CALN1: variants seen among roughly 807,000 people sequenced by gnomAD.
CALN1 encodes the protein calneuron 1.
A neutral mutation model predicts 30.6 loss-of-function variants in CALN1; 17 were observed. The observed-to-expected ratio is 0.56, with a 90% CI of 0.38 to 0.83. The LOEUF is 0.83. Among genes scored for constraint, CALN1 ranks in the 40% least tolerant of loss-of-function variants. CALN1 has a pLI of 0.00. For synonymous variants in CALN1, 156 were observed against 131.4 expected, an observed-to-expected ratio of 1.19 and a Z score of -1.28; for missense variants, 291 against 354.9, an observed-to-expected ratio of 0.82 and a Z score of 1.45.
intron 3 of CALN1, among the ~76,000 whole-genome samples, chr7:72,179,342 C>T (rs1433385637): frequency 6.6e-6 from 1 of 152,118 alleles, no homozygotes; most frequent in African/African-American, 2.4e-5. Context: ...ATTTTTTTGA[C>T]TGTTCCCATC....
At chr7:72,043,473 G>A (rs896670548) in intron 4 of CALN1, among the ~76,000 whole-genome samples, 1 of 152,194 alleles carries the variant, frequency 6.6e-6, no homozygotes, top group African/African-American at 2.4e-5. Context: ...AACCATAGCA[G>A]AGTAAGAAAA....
intron 3 of CALN1, among the ~76,000 whole-genome samples, chr7:72,258,839 G>C (rs970490332): frequency 6.6e-6 from 1 of 151,390 alleles, no homozygotes; most frequent in Non-Finnish European, 1.5e-5. Context: ...GATCACCCAA[G>C]GTCAGGAGTT....
At chr7:72,387,462 T>C (rs1192662669) in intron 2 of CALN1, among the ~76,000 whole-genome samples, 1 of 152,096 alleles carries the variant, frequency 6.6e-6, no homozygotes, top group African/African-American at 2.4e-5. Context: ...AACTTCACGG[T>C]AGAGAAACCT....
chr7:72,328,788 T>C (rs1399864589), intron 2 of CALN1, among the ~76,000 whole-genome samples: 3 of 152,174 alleles, frequency 2.0e-5, no homozygotes, highest in Non-Finnish European at 2.9e-5. Flanking sequence ...CTCCGCCTCC[T>C]GGGTTCAAGC....
At chr7:72,280,715 T>A (rs968712680) in intron 2 of CALN1, among the ~76,000 whole-genome samples, 1 of 152,090 alleles carries the variant, frequency 6.6e-6, no homozygotes, top group Non-Finnish European at 1.5e-5. Context: ...CAAAATTTTG[T>A]GTGTCAGAAA....
chr7:71,792,714 T>G (rs1361802131), intron 6 of CALN1, among the ~76,000 whole-genome samples: 2 of 152,134 alleles, frequency 1.3e-5, no homozygotes, highest in African/African-American at 4.8e-5. Context: ...CTGGCTAATT[T>G]ATTCTGAGTA....
At chr7:72,410,571 G>A (rs1295616143) in intron 1 of CALN1, among the ~76,000 whole-genome samples, 2 of 152,136 alleles carry the variant, frequency 1.3e-5, no homozygotes, top group Non-Finnish European at 2.9e-5. Flanking sequence ...TTTCAAATCA[G>A]CTCAATTCTT....
chr7:72,122,301 A>G (rs1028319708), intron 3 of CALN1, among the ~76,000 whole-genome samples: 1 of 152,160 alleles, frequency 6.6e-6, no homozygotes, highest in Admixed American at 6.5e-5. Context: ...CATTTTGTGG[A>G]TTTAGCATAG....
chr7:72,205,205 C>T (rs1211586333), intron 3 of CALN1, among the ~76,000 whole-genome samples: 2 of 150,518 alleles, frequency 1.3e-5, no homozygotes, highest in Admixed American at 1.3e-4. Flanking sequence ...TTTTGCTTTT[C>T]TTTTGTTTTG....
At chr7:72,110,997 C>G (rs2129541556) in intron 3 of CALN1, among the ~76,000 whole-genome samples, 1 of 152,278 alleles carries the variant, frequency 6.6e-6, no homozygotes, top group African/African-American at 2.4e-5. Context: ...ATCAAGTTTT[C>G]AAGAACAGGC....
At position 72,366,313 on chromosome 7, in the gene CALN1, A is replaced by G. The variant is rs542251327; in HGVS notation, c.119+36938T>C. On this transcript the variant is annotated intron_variant, in intron 2 of 6. Transcript: ENST00000395275. The stretch of plus-strand genomic sequence containing the variant: ...CTCAGCCTCCCAAGTAGCTGGGATT[A>G]CAGGTGCACACACCACCATGCCCAG... Among the ~76,000 whole-genome samples, 4 of 152,182 alleles carry G rather than the reference A, an allele frequency of 2.6e-5. No homozygotes were observed. In the East Asian group the frequency reaches 7.7e-4, roughly 29 times the overall value.
At chr7:72,057,758 A>G (rs138167830) in intron 4 of CALN1, among the ~76,000 whole-genome samples, 21 of 152,258 alleles carry the variant, frequency 1.4e-4, no homozygotes, top group African/African-American at 5.1e-4. Flanking sequence ...TAGTTGTATG[A>G]CATCTTACAG....
At chr7:72,344,372 A>T (rs1040656037) in intron 2 of CALN1, among the ~76,000 whole-genome samples, 4 of 152,046 alleles carry the variant, frequency 2.6e-5, no homozygotes, top group South Asian at 4.1e-4. Context: ...AAATTTACTA[A>T]ATTAGAAAAA....
At chr7:72,172,002 C>G (rs1287185099) in intron 3 of CALN1, among the ~76,000 whole-genome samples, 1 of 152,094 alleles carries the variant, frequency 6.6e-6, no homozygotes, top group Non-Finnish European at 1.5e-5. Flanking sequence ...TTGATGAAAG[C>G]AGGAAACCTC....
intron 5 of CALN1, among the ~76,000 whole-genome samples, chr7:71,854,695 C>T (rs1161975571): frequency 1.3e-5 from 2 of 152,182 alleles, no homozygotes; most frequent in African/African-American, 4.8e-5. Flanking sequence ...GTTGAAGTTG[C>T]CAAACTCTCT....
chr7:71,835,441 T>C (rs1789547750), intron 5 of CALN1, among the ~76,000 whole-genome samples: 1 of 152,178 alleles, frequency 6.6e-6, no homozygotes, highest in African/African-American at 2.4e-5. Flanking sequence ...TTAGCCTGTG[T>C]TTAAACCGTA....
At chr7:72,409,360 G>A (rs895907737) in intron 1 of CALN1, among the ~76,000 whole-genome samples, 2 of 150,866 alleles carry the variant, frequency 1.3e-5, no homozygotes, top group Non-Finnish European at 3.0e-5. Flanking sequence ...GAAGGCCACA[G>A]AGGCTGAAAT....
rs561071142 is a variant in CALN1 at position 71,795,929 on chromosome 7, C to T, written c.659-8027G>A. ...CGCCTCCCGGGTTCACGTCATTCTC[C>T]TGCCTCAGCCTCCCGAGTAGCTGGG... is the stretch of plus-strand genomic sequence containing the variant. On this transcript the variant is annotated intron_variant, in intron 6 of 6. Transcript: ENST00000395275. 3.2e-3 allele frequency among the ~76,000 whole-genome samples: 483 copies of T among 150,216 alleles called. 4 individuals carry two copies. Among genetic ancestry groups the T allele is most frequent in the African/African-American group, 0.01 (422 of 40,570 alleles).
At chr7:72,143,101 AG>A (rs1810075601) in intron 3 of CALN1, among the ~76,000 whole-genome samples, 1 of 152,260 alleles carries the variant, frequency 6.6e-6, no homozygotes, top group South Asian at 2.1e-4. Context: ...GCTCCTCACC[AG>A]CAACAGAACA....
Sources: allele counts gnomAD v4.1 joint callset (sites outside exome capture counted in the v4.1 genomes callset), GRCh38; gene constraint gnomAD v4.1.1; transcripts MANE v1.5; gene names NCBI Gene and HGNC (gene_info 2026-07-23, HGNC 2026-07-21).